CD46: variants seen among roughly 807,000 people sequenced by gnomAD.
The protein encoded by CD46 is CD46 molecule.
In CD46, 30 loss-of-function variants were observed where a neutral mutation model predicts 53.3. The ratio of observed to expected loss-of-function variants is 0.56; its 90% CI spans 0.42 to 0.76. The LOEUF (loss-of-function observed/expected upper bound fraction) is 0.76, where lower values mean the gene tolerates loss of function less well. Ranked by LOEUF, CD46 falls within the 30% of genes least tolerant of loss-of-function variation. The pLI, the probability that CD46 is intolerant of heterozygous loss-of-function variation, is 0.00. For synonymous variants in CD46, 142 were observed against 152.0 expected, an observed-to-expected ratio of 0.93 and a Z score of 0.48; for missense variants, 409 against 463.0, an observed-to-expected ratio of 0.88 and a Z score of 1.07.
Position 207,790,490 on chromosome 1 carries a change from T to TTTCACC in CD46, c.*41+145_*41+146insTTCACC, listed in dbSNP as rs1659698280. 3 of 602,926 alleles carry TTTCACC rather than the reference T, an allele frequency of 5.0e-6. No homozygotes were observed. The African/African-American group carries it at 5.6e-5, about 11-fold the overall frequency. The allele number at this position is 602,926 out of a possible 1,614,324, so 37.3% of individuals were successfully genotyped here. On this transcript the variant is annotated intron_variant, in intron 12 of 12. Transcript: ENST00000367042. Reference sequence around the variant, plus strand: ...TACATTCCTGTTCCCTTTGCTAAATTATTGATGTGTTCTTATACCATTCCC... The same window carrying TTTCACC: ...TACATTCCTGTTCCCTTTGCTAAATTTTCACCATTGATGTGTTCTTATACCATTCCC...
At chr1:207,753,030 T>G (rs796956504) in intron 1 of CD46, among the ~76,000 whole-genome samples, 21 of 150,910 alleles carry the variant, frequency 1.4e-4, no homozygotes, top group African/African-American at 5.1e-4. Flanking sequence ...GTGAACAGTC[T>G]CCGTGTTACC....
chr1:207,785,880 A>G lies in CD46; in HGVS notation c.1082+198A>G, dbSNP rs1050637932. 1.1e-5 allele frequency: 6 copies of G among 537,386 alleles called. No individual in the cohort carries two copies. In the African/African-American group the frequency reaches 1.1e-4, roughly 10 times the overall value. The allele number at this position is 537,386 out of a possible 1,614,324, so 33.3% of individuals were successfully genotyped here. A position where few individuals can be genotyped will look rare whatever the true frequency, so the allele number is the denominator to read the frequency against. On this transcript the variant is annotated intron_variant, in intron 11 of 12. Transcript: ENST00000367042. ...ACTTCTAACATCACTGCAACATAAA[A>G]ACATCTGTGCAGAGTTCCTACAGCT...
intron 10 of CD46, 64 bp from the exon 11 acceptor site, chr1:207,785,555 A>G (rs1425638726): frequency 1.8e-6 from 2 of 1,081,772 alleles, no homozygotes; most frequent in Non-Finnish European, 1.4e-6. Flanking sequence ...TTCTTCTGCT[A>G]GATGTTGAAT....
chr1:207,792,995 G>C (rs1474616770), intron 12 of CD46, among the ~76,000 whole-genome samples: 1 of 152,176 alleles, frequency 6.6e-6, no homozygotes, highest in African/African-American at 2.4e-5. Context: ...GCCAGCACTA[G>C]ACTAGAATAA....
rs1658051997 is a variant in CD46, at chr1:207,775,929, C to CG, written c.943+5567_943+5568insG. Among the ~76,000 whole-genome samples the CG allele has an allele frequency of 6.6e-5, 10 of 152,342 alleles. 1 individual carries two copies. Among genetic ancestry groups the CG allele is most frequent in the Middle Eastern group, 3.4e-3 (1 of 294 alleles). On this transcript the variant is annotated intron_variant, in intron 8 of 12. Coordinates refer to ENST00000367042, the MANE Select transcript of CD46 (RefSeq NM_172351.3). ...TGTCAGACAGGGACGTTTAAGTCTG[C>CG]AGAAGCTGCTGCGTTTTGTTCTACT...
rs1267833828 is a variant in CD46 at position 207,752,113 on chromosome 1, T to C, written c.-100T>C. Reference sequence around the variant, plus strand: ...TGGATGCTTTGTGAGTTGGGGATTGTTGCGTCCCATATCTGGACCCAGAAG... The same window carrying C: ...TGGATGCTTTGTGAGTTGGGGATTGCTGCGTCCCATATCTGGACCCAGAAG... On this transcript the variant is annotated 5_prime_UTR_variant, in exon 1 of 13. Coordinates refer to ENST00000367042, the MANE Select transcript of CD46 (RefSeq NM_172351.3). This position sits in a 1 kb window ranked among gnomAD's most constrained non-coding sequence, Gnocchi z 4.1. 7.3e-6 allele frequency: 8 copies of C among 1,097,738 alleles called. No individual in the cohort carries two copies. The highest frequency in any genetic ancestry group is 2.3e-5 in the East Asian group (1 of 42,650). The allele number at this position is 1,097,738 out of a possible 1,614,324, so 68.0% of individuals were successfully genotyped here.
chr1:207,771,602 G>A (rs1226835848), intron 8 of CD46, among the ~76,000 whole-genome samples: 3 of 152,144 alleles, frequency 2.0e-5, no homozygotes, highest in Non-Finnish European at 1.5e-5. Flanking sequence ...TCCAGTTTCA[G>A]CTTTCTACAT....
At chr1:207,788,265 C>T (rs1249198610) in intron 11 of CD46, among the ~76,000 whole-genome samples, 1 of 151,862 alleles carries the variant, frequency 6.6e-6, no homozygotes, top group Non-Finnish European at 1.5e-5. Flanking sequence ...GCCTGTAATC[C>T]CAGCACTTTG....
At chr1:207,789,870 G>GAAAAAAAAAA (rs150136290) in intron 11 of CD46, among the ~76,000 whole-genome samples, 1 of 43,376 alleles carries the variant, frequency 2.3e-5, no homozygotes, top group Non-Finnish European at 4.1e-5. Context: ...GCTGTGTCTT[G>GAAAAAAAAAA]AAAAAAAAAA....
chr1:207,757,392 G>C (rs1222997645), intron 2 of CD46, 148 bp from the exon 3 acceptor site: 4 of 774,998 alleles, frequency 5.2e-6, no homozygotes, highest in Non-Finnish European at 8.7e-6. Context: ...GATTGCCTGG[G>C]TGAATATGAA....
chr1:207,770,864 C>T (rs1032156304), intron 8 of CD46, among the ~76,000 whole-genome samples: 7 of 152,116 alleles, frequency 4.6e-5, no homozygotes, highest in East Asian at 1.9e-4. Context: ...AATAAACATA[C>T]GTGTGCATGT....
At chr1:207,789,205 T>G (rs1280826868) in intron 11 of CD46, among the ~76,000 whole-genome samples, 1 of 152,218 alleles carries the variant, frequency 6.6e-6, no homozygotes, top group Non-Finnish European at 1.5e-5. Context: ...AAGTGACAGT[T>G]TGGCTAAGTT....
intron 8 of CD46, among the ~76,000 whole-genome samples, chr1:207,782,888 C>T (rs995542120): frequency 6.6e-5 from 10 of 150,730 alleles, no homozygotes; most frequent in South Asian, 6.3e-4. Flanking sequence ...CTCCTGACCT[C>T]GTGATCCGCC....
Position 207,793,926 on chromosome 1 carries a change from A to T in CD46, c.*449A>T. On this transcript the variant is annotated 3_prime_UTR_variant, in exon 13 of 13. Coordinates refer to ENST00000367042, the MANE Select transcript of CD46 (RefSeq NM_172351.3). ...CAATGAAATTATATTTTCTTTGTAA[A>T]GAAAGTGGCTTGAAATCTTTTTTGT... The T allele has an allele frequency of 3.8e-6, 1 of 265,750 alleles. No homozygotes were observed. The highest frequency in any genetic ancestry group is 1.3e-3 in the Middle Eastern group (1 of 768). The allele number at this position is 265,750 out of a possible 1,614,324, so 16.5% of individuals were successfully genotyped here.
At chr1:207,790,861 G>A (rs919608421) in intron 12 of CD46, among the ~76,000 whole-genome samples, 1 of 152,202 alleles carries the variant, frequency 6.6e-6, no homozygotes, top group Admixed American at 6.5e-5. Context: ...ATTTTGAAAA[G>A]TAATGGATTG....
intron 5 of CD46, 147 bp downstream of exon 5, chr1:207,761,593 C>T: frequency 2.9e-6 from 2 of 693,972 alleles, no homozygotes; most frequent in South Asian, 3.5e-5. Flanking sequence ...CAGGTCAATT[C>T]AAGTCAAAAA....
At position 207,752,083 on chromosome 1, in the gene CD46, A is replaced by T. The variant is rs1036049609; in HGVS notation, c.-130A>T. The T allele has an allele frequency of 8.6e-6, 8 of 930,120 alleles. No individual in the cohort carries two copies. The highest frequency in any genetic ancestry group is 3.2e-5 in the African/African-American group (2 of 62,052). 57.6% of individuals were successfully genotyped at this position (930,120 alleles called of 1,614,324 possible). On this transcript the variant is annotated 5_prime_UTR_variant, in exon 1 of 13. Transcript: ENST00000367042. This position sits in a 1 kb window ranked among gnomAD's most constrained non-coding sequence, Gnocchi z 4.1. ...CTCGGGCCACGCCCACCTGTCCTGC[A>T]GCACTGGATGCTTTGTGAGTTGGGG...
At chr1:207,761,818 T>C (rs1656254562) in intron 5 of CD46, among the ~76,000 whole-genome samples, 1 of 152,094 alleles carries the variant, frequency 6.6e-6, no homozygotes, top group South Asian at 2.1e-4. Context: ...GACAGACTAA[T>C]CGTCTCACAA....
At chr1:207,779,998 C>G (rs1658574554) in intron 8 of CD46, among the ~76,000 whole-genome samples, 1 of 135,640 alleles carries the variant, frequency 7.4e-6, no homozygotes, top group African/African-American at 2.7e-5. Flanking sequence ...CTAAGGAACT[C>G]TATGTTATTT....
Sources: allele counts gnomAD v4.1 joint callset (sites outside exome capture counted in the v4.1 genomes callset), GRCh38; gene constraint gnomAD v4.1.1; non-coding constraint Gnocchi (gnomAD v3.1); transcripts MANE v1.5; gene names NCBI Gene and HGNC (gene_info 2026-07-23, HGNC 2026-07-21).